Variants in CEP152 observed in about 807,000 individuals in gnomAD.
CEP152 encodes centrosomal protein 152.
A neutral mutation model predicts 188.9 loss-of-function variants in CEP152; 132 were observed. The ratio of observed to expected loss-of-function variants is 0.70; its 90% CI spans 0.61 to 0.81. CEP152 has a LOEUF of 0.81. CEP152 is among the 30% of genes least tolerant of loss of function. The probability of loss-of-function intolerance (pLI) is 0.00; values close to 1 mark genes in which losing one functional copy is unlikely to be tolerated. For missense variants in CEP152, 1,914 were observed against 1,969.8 expected (o/e 0.97, Z 0.54); for synonymous variants, 649 against 666.6 (o/e 0.97, Z 0.41).
At chr15:48,797,807 T>C in intron 3 of CEP152, 77 bp from the exon 4 acceptor site, 1 of 1,568,138 alleles carries the variant, frequency 6.4e-7, no homozygotes, top group Non-Finnish European at 8.8e-7. Flanking sequence ...CCCCAAGATT[T>C]TAACCTTTTT....
At chr15:48,777,064 G>A (rs1007282737) in intron 12 of CEP152, among the ~76,000 whole-genome samples, 4 of 151,932 alleles carry the variant, frequency 2.6e-5, no homozygotes, top group African/African-American at 9.7e-5. Flanking sequence ...TATTCCTTAC[G>A]ACTGTCAAGG....
At position 48,738,300 on chromosome 15, in the gene CEP152, T is replaced by G; in HGVS notation, c.5082A>C (p.Leu1694=). The change falls in exon 27 of 27, where the codon CTA becomes CTC. Residue 1694 remains leucine, a synonymous_variant. Transcript: ENST00000380950. The stretch of plus-strand genomic sequence containing the variant: ...CAAAGCCACTATCTTGTTGGCTAGA[T>G]AGCGGAACAATTAATTTTCTTGAAG... ...QQPSRKLIVP[L]SSQQDSGFDS... The G allele has an allele frequency of 1.2e-6, 2 of 1,614,082 alleles. No homozygotes were observed. Among genetic ancestry groups the G allele is most frequent in the African/African-American group, 2.7e-5 (2 of 75,056 alleles).
At chr15:48,767,781 T>TG (rs1158172698) in intron 15 of CEP152, among the ~76,000 whole-genome samples, 1 of 152,142 alleles carries the variant, frequency 6.6e-6, no homozygotes, top group African/African-American at 2.4e-5. Flanking sequence ...TAATTGAGGG[T>TG]GTGGCTCCAA....
At position 48,781,260 on chromosome 15, in the gene CEP152, G is replaced by A; in HGVS notation, c.1513C>T (p.Leu505Phe). 1.2e-6 allele frequency: 2 copies of A among 1,613,328 alleles called. No homozygotes were observed. Among genetic ancestry groups the A allele is most frequent in the Non-Finnish European group, 1.7e-6 (2 of 1,179,542 alleles). ...CCCAAATCCACATACGATTCAGTGA[G>A]TTCTATATTTAATTCTCCTTCTGAG... is the stretch of plus-strand genomic sequence containing the variant. The part of the protein sequence containing the change: ...SDSEGELNIE[L>F]TESYVDLGIK... Residue 505 changes from leucine to phenylalanine, a missense_variant, in exon 12 of 27, where the codon CTC becomes TTC. Leu to Phe is a conservative substitution (Grantham distance 22). Coordinates refer to ENST00000380950, the MANE Select transcript of CEP152 (RefSeq NM_001194998.2).
intron 21 of CEP152, 72 bp from the exon 22 acceptor site, chr15:48,748,682 AAGAC>A (rs1404749909): frequency 7.4e-6 from 9 of 1,211,182 alleles, no homozygotes; most frequent in Non-Finnish European, 9.6e-6. Context: ...AAAAAAAAAA[AAGAC>A]AGAAAGAAAA....
intron 22 of CEP152, among the ~76,000 whole-genome samples, chr15:48,747,572 A>G (rs531272074): frequency 6.6e-6 from 1 of 152,350 alleles, no homozygotes; most frequent in Admixed American, 6.5e-5. Context: ...TTGCAGATAA[A>G]GCATCTTCTG....
chr15:48,807,648 C>T (rs1481325239), intron 1 of CEP152, among the ~76,000 whole-genome samples: 1 of 151,694 alleles, frequency 6.6e-6, no homozygotes, highest in Non-Finnish European at 1.5e-5. Flanking sequence ...CTTTCTGTTT[C>T]TGAATTCTGT....
intron 10 of CEP152, 112 bp downstream of exon 10, chr15:48,783,861 C>A: frequency 1.1e-6 from 1 of 870,954 alleles, no homozygotes; most frequent in Non-Finnish European, 1.7e-6. Flanking sequence ...AAATTTATTG[C>A]TGATTGTGTT....
At chr15:48,760,566 T>G (rs1894606673) in intron 18 of CEP152, among the ~76,000 whole-genome samples, 1 of 152,134 alleles carries the variant, frequency 6.6e-6, no homozygotes. Flanking sequence ...ACAACTCCTA[T>G]TTATCCTGGG....
chr15:48,798,125 A>C, intron 2 of CEP152, 74 bp from the exon 3 acceptor site: 1 of 1,231,056 alleles, frequency 8.1e-7, no homozygotes. Context: ...CCTTGGAACG[A>C]GTGGTTTTTT....
At chr15:48,790,989 T>C (rs1896955003) in intron 8 of CEP152, among the ~76,000 whole-genome samples, 1 of 152,192 alleles carries the variant, frequency 6.6e-6, no homozygotes, top group Non-Finnish European at 1.5e-5. Flanking sequence ...TCAAAGAATG[T>C]GAATGTGTCA....
chr15:48,776,985 G>C (rs545948260), intron 12 of CEP152, among the ~76,000 whole-genome samples: 1 of 152,046 alleles, frequency 6.6e-6, no homozygotes, highest in Non-Finnish European at 1.5e-5. Context: ...CAAAACCCAT[G>C]AGAAAAACGT....
At chr15:48,757,255 C>T (rs898219570) in intron 19 of CEP152, among the ~76,000 whole-genome samples, 1 of 152,164 alleles carries the variant, frequency 6.6e-6, no homozygotes, top group African/African-American at 2.4e-5. Context: ...AATTAACTTA[C>T]CAGCTGAAGA....
intron 2 of CEP152, among the ~76,000 whole-genome samples, chr15:48,800,681 G>A (rs1897615466): frequency 1.3e-5 from 2 of 151,990 alleles, no homozygotes; most frequent in Non-Finnish European, 2.9e-5. Context: ...ACTGCTTTTT[G>A]GCAGCAAGCA....
chr15:48,745,452 TTGTGTGTG>T (rs146471066), intron 22 of CEP152, among the ~76,000 whole-genome samples: 4 of 150,070 alleles, frequency 2.7e-5, no homozygotes, highest in Non-Finnish European at 5.9e-5. Context: ...TCTTTGAACT[TTGTGTGTG>T]TGTGTGTGTG....
chr15:48,739,356 CA>C (rs1426435059), intron 26 of CEP152, 68 bp from the exon 27 acceptor site: 5 of 1,479,716 alleles, frequency 3.4e-6, no homozygotes, highest in Non-Finnish European at 4.4e-6. Context: ...CATCCTTGAA[CA>C]AAAAAATAAA....
At chr15:48,806,306 G>C (rs559117842) in intron 1 of CEP152, among the ~76,000 whole-genome samples, 1 of 152,324 alleles carries the variant, frequency 6.6e-6, no homozygotes, top group Admixed American at 6.5e-5. Flanking sequence ...AAAAGCAACA[G>C]CAAGAGTTCC....
chr15:48,730,948 G>A (rs774224577), intron 2 of CEP152, among the ~76,000 whole-genome samples: 7 of 152,116 alleles, frequency 4.6e-5, no homozygotes, highest in South Asian at 2.1e-4. Flanking sequence ...AATTTATAGC[G>A]TATGTAAAGA....
At chr15:48,795,288 C>T (rs2140899000) in intron 6 of CEP152, among the ~76,000 whole-genome samples, 1 of 152,152 alleles carries the variant, frequency 6.6e-6, no homozygotes, top group Admixed American at 6.5e-5. Flanking sequence ...AAAAAACTGG[C>T]AAATGCCACA....
Sources: gnomAD v4.1 joint callset for allele counts (sites outside exome capture counted in the v4.1 genomes callset) on GRCh38, gnomAD v4.1.1 for gene constraint, MANE v1.5 for transcripts, NCBI Gene and HGNC (gene_info 2026-07-23, HGNC 2026-07-21) for gene names.